Variants in PAPSS1 observed in about 807,000 individuals in gnomAD.
PAPSS1 encodes bifunctional 3'-phosphoadenosine 5'-phosphosulfate synthase 1.
A neutral mutation model predicts 72.0 loss-of-function variants in PAPSS1; 50 were observed. The observed-to-expected ratio is 0.69, with a 90% confidence interval of 0.55 to 0.88. The LOEUF is 0.88. Among genes scored for constraint, PAPSS1 ranks in the 40% least tolerant of loss-of-function variants. The pLI, the probability that PAPSS1 is intolerant of heterozygous loss-of-function variation, is 0.00. For missense variants in PAPSS1, 657 were observed against 782.2 expected, an observed-to-expected ratio of 0.84 and a Z score of 1.91; for synonymous variants, 261 against 263.6, an observed-to-expected ratio of 0.99 and a Z score of 0.09.
chr4:107,641,475 T>C (rs1301677161), intron 10 of PAPSS1, among the ~76,000 whole-genome samples: 1 of 152,212 alleles, frequency 6.6e-6, no homozygotes, highest in Non-Finnish European at 1.5e-5. Flanking sequence ...AAGTTCTGTT[T>C]TTATTACTTT....
chr4:107,675,034 G>A (rs1473599307), intron 5 of PAPSS1, among the ~76,000 whole-genome samples: 6 of 152,224 alleles, frequency 3.9e-5, no homozygotes, highest in African/African-American at 1.4e-4. Context: ...ATTCAAAGCA[G>A]TGTGTAGAGA....
intron 5 of PAPSS1, among the ~76,000 whole-genome samples, chr4:107,665,102 G>A (rs1345493943): frequency 6.6e-6 from 1 of 152,188 alleles, no homozygotes; most frequent in African/African-American, 2.4e-5. Context: ...AATGTTTTGG[G>A]AATTAATGCA....
chr4:107,626,895 T>TC (rs1259522724), intron 11 of PAPSS1, among the ~76,000 whole-genome samples: 5 of 152,186 alleles, frequency 3.3e-5, no homozygotes, highest in Non-Finnish European at 7.4e-5. Context: ...TTTTAAAGCT[T>TC]CCCCAGTTAT....
intron 10 of PAPSS1, among the ~76,000 whole-genome samples, chr4:107,633,843 C>T (rs4956113): frequency 0.83 from 125,316 of 150,494 alleles, 52,790 homozygotes; most frequent in African/African-American, 0.95. Context: ...GGCGTGAACC[C>T]GGGAGGCGGA....
chr4:107,687,131 A>C lies in PAPSS1; in HGVS notation c.458T>G (p.Phe153Cys), dbSNP rs772824067. The change falls in exon 4 of 12, where the codon TTT becomes TGT. Residue 153 changes from phenylalanine (F) to cysteine (C), a missense_variant. Around this residue, in one of 7 missense-constraint regions of PAPSS1, gnomAD observed 119 missense variants for 171.1 expected, o/e 0.70. Coordinates refer to ENST00000265174, the MANE Select transcript of PAPSS1 (RefSeq NM_005443.5). Reference sequence around the variant, plus strand: ...AGGAGCATCAACAAATACTTCAAAAAACGGTAAACTTGCACCTTCATGAAT... The same window carrying C: ...AGGAGCATCAACAAATACTTCAAAACACGGTAAACTTGCACCTTCATGAAT... ...RQIHEGASLP[F>C]FEVFVDAPLH... 6.2e-7 allele frequency: 1 copy of C among 1,600,764 alleles called. No homozygotes were observed. The highest frequency in any genetic ancestry group is 8.5e-7 in the Non-Finnish European group (1 of 1,175,822).
Position 107,687,127 on chromosome 4 carries a change from A to G in PAPSS1, c.462T>C (p.Phe154=), listed in dbSNP as rs1218708562. Reference sequence around the variant, plus strand: ...GCAGAGGAGCATCAACAAATACTTCAAAAAACGGTAAACTTGCACCTTCAT... The same window carrying G: ...GCAGAGGAGCATCAACAAATACTTCGAAAAACGGTAAACTTGCACCTTCAT... The part of the protein sequence containing the change: ...QIHEGASLPF[F]EVFVDAPLHV... Residue 154 remains phenylalanine (F), a synonymous_variant, in exon 4 of 12, where the codon TTT becomes TTC. Coordinates refer to ENST00000265174, the MANE Select transcript of PAPSS1 (RefSeq NM_005443.5). The G allele has an allele frequency of 6.2e-7, 1 of 1,600,684 alleles. No homozygotes were observed. Among genetic ancestry groups the G allele is most frequent in the South Asian group, 1.1e-5 (1 of 87,420 alleles).
intron 9 of PAPSS1, among the ~76,000 whole-genome samples, chr4:107,647,842 C>T (rs1726734446): frequency 6.6e-6 from 1 of 152,174 alleles, no homozygotes; most frequent in African/African-American, 2.4e-5. Flanking sequence ...TGGAAGCTTA[C>T]CCCTACACCT....
At chr4:107,638,471 A>G (rs191983755) in intron 10 of PAPSS1, among the ~76,000 whole-genome samples, 1 of 152,304 alleles carries the variant, frequency 6.6e-6, no homozygotes, top group African/African-American at 2.4e-5. Context: ...ACCAGCAACC[A>G]AACTAATTTT....
chr4:107,675,682 T>C (rs1341667723), intron 5 of PAPSS1, among the ~76,000 whole-genome samples: 4 of 152,210 alleles, frequency 2.6e-5, no homozygotes, highest in Non-Finnish European at 5.9e-5. Context: ...TAACTCATTT[T>C]ATGAAGCCAG....
At position 107,654,763 on chromosome 4, in the gene PAPSS1, C is replaced by G. The variant is rs1726949460; in HGVS notation, c.1033G>C (p.Glu345Gln). The G allele has an allele frequency of 1.2e-6, 2 of 1,613,764 alleles. No individual in the cohort carries two copies. The highest frequency in any genetic ancestry group is 1.7e-6 in the Non-Finnish European group (2 of 1,179,900). ...VAILRNPEFFEHRKEERCARQ... is the reference protein window; with the variant it reads ...VAILRNPEFFQHRKEERCARQ... Reference sequence around the variant, plus strand: ...GCACAGCGCTCCTCTTTCCTGTGCTCAAAAAACTCTGGATTGCGAAGAATG... The same window carrying G: ...GCACAGCGCTCCTCTTTCCTGTGCTGAAAAAACTCTGGATTGCGAAGAATG... The change falls in exon 8 of 12, where the codon GAG becomes CAG. Residue 345 changes from glutamate (E) to glutamine (Q), a missense_variant. Around this residue, in one of 7 missense-constraint regions of PAPSS1, gnomAD observed 190 missense variants for 176.7 expected, o/e 1.07. Transcript: ENST00000265174.
intron 1 of PAPSS1, among the ~76,000 whole-genome samples, chr4:107,702,511 C>T: frequency 6.6e-6 from 1 of 152,196 alleles, no homozygotes; most frequent in East Asian, 1.9e-4. Context: ...TCGACCCCCA[C>T]TCGACCCCAA....
At chr4:107,713,992 C>T (rs1192294055) in intron 1 of PAPSS1, among the ~76,000 whole-genome samples, 5 of 152,098 alleles carry the variant, frequency 3.3e-5, no homozygotes, top group Admixed American at 2.6e-4. Flanking sequence ...CGATTACCAC[C>T]GACAAGATTT....
At chr4:107,653,245 AT>A (rs1483558790) in intron 9 of PAPSS1, among the ~76,000 whole-genome samples, 2 of 152,140 alleles carry the variant, frequency 1.3e-5, no homozygotes, top group African/African-American at 4.8e-5. Context: ...TGCGAGTTTT[AT>A]AATAAATAAA....
At chr4:107,706,168 G>A (rs1723335800) in intron 1 of PAPSS1, among the ~76,000 whole-genome samples, 1 of 152,134 alleles carries the variant, frequency 6.6e-6, no homozygotes, top group South Asian at 2.1e-4. Context: ...TGATCTTCCT[G>A]TACTTATTTA....
intron 5 of PAPSS1, among the ~76,000 whole-genome samples, chr4:107,677,700 G>A (rs1727692294): frequency 6.6e-6 from 1 of 152,120 alleles, no homozygotes; most frequent in South Asian, 2.1e-4. Context: ...ATACCCAAAG[G>A]ACTATAAATC....
At chr4:107,697,003 T>C (rs890920320) in intron 2 of PAPSS1, among the ~76,000 whole-genome samples, 13 of 152,200 alleles carry the variant, frequency 8.5e-5, no homozygotes, top group South Asian at 2.1e-4. Context: ...GACACGATGA[T>C]GTGTGACTAC....
intron 3 of PAPSS1, among the ~76,000 whole-genome samples, chr4:107,692,832 T>C (rs1295373409): frequency 6.6e-6 from 1 of 151,912 alleles, no homozygotes; most frequent in Non-Finnish European, 1.5e-5. Flanking sequence ...AGGAATGATA[T>C]CATGTCCTTT....
intron 2 of PAPSS1, among the ~76,000 whole-genome samples, chr4:107,695,068 T>C (rs1417931936): frequency 1.3e-5 from 2 of 152,172 alleles, no homozygotes; most frequent in East Asian, 1.9e-4. Context: ...ATTGAATACA[T>C]AGATTACTTT....
intron 10 of PAPSS1, among the ~76,000 whole-genome samples, chr4:107,643,461 C>G (rs191927118): frequency 6.6e-6 from 1 of 152,322 alleles, no homozygotes; most frequent in Non-Finnish European, 1.5e-5. Context: ...TCCACTGAGA[C>G]TGAACTGTAG....
Sources: allele counts gnomAD v4.1 joint callset (sites outside exome capture counted in the v4.1 genomes callset), GRCh38; gene constraint gnomAD v4.1.1; regional missense constraint gnomAD v4.1.1; transcripts MANE v1.5; gene names NCBI Gene and HGNC (gene_info 2026-07-23, HGNC 2026-07-21).